SLC24A2: variants seen among roughly 807,000 people sequenced by gnomAD.
The protein encoded by SLC24A2 is sodium/potassium/calcium exchanger 2.
In SLC24A2, 36 loss-of-function variants were observed where a neutral mutation model predicts 62.0. The observed-to-expected ratio is 0.58, with a 90% CI of 0.44 to 0.77. The LOEUF (loss-of-function observed/expected upper bound fraction) is 0.77, where lower values mean the gene tolerates loss of function less well. SLC24A2 is among the 30% of genes least tolerant of loss of function. The probability of loss-of-function intolerance (pLI) is 0.00; values close to 1 mark genes in which losing one functional copy is unlikely to be tolerated. For synonymous variants in SLC24A2, 358 were observed against 294.0 expected (o/e 1.22, Z -2.23); for missense variants, 846 against 817.9 (o/e 1.03, Z -0.42).
intron 9 of SLC24A2, among the ~76,000 whole-genome samples, chr9:19,521,671 T>C (rs1304780160): frequency 6.6e-6 from 1 of 152,132 alleles, no homozygotes; most frequent in Admixed American, 6.5e-5. Context: ...CTCTGGTATG[T>C]GTTAATTTCT....
the SLC24A2 span, among the ~76,000 whole-genome samples, chr9:20,125,378 T>A: frequency 1.3e-5 from 2 of 152,202 alleles, no homozygotes; most frequent in Non-Finnish European, 2.9e-5. Flanking sequence ...AATTTGAACC[T>A]TTATCTGCTC....
chr9:20,070,974 A>C, the SLC24A2 span, among the ~76,000 whole-genome samples: 2 of 152,126 alleles, frequency 1.3e-5, no homozygotes, highest in African/African-American at 4.8e-5. Context: ...TTATAGTTTA[A>C]CACCATCCTC....
the SLC24A2 span, among the ~76,000 whole-genome samples, chr9:19,937,720 G>A: frequency 3.9e-5 from 6 of 152,150 alleles, no homozygotes; most frequent in East Asian, 5.8e-4. Flanking sequence ...CTATGCAAAC[G>A]AAGTGCTATT....
upstream of SLC24A2, among the ~76,000 whole-genome samples, chr9:19,793,822 T>G (rs552966025): frequency 6.6e-6 from 1 of 152,346 alleles, no homozygotes; most frequent in South Asian, 2.1e-4. Flanking sequence ...AACCTATAGA[T>G]TTCTTCTACC....
chr9:19,662,106 GA>G (rs776123198), intron 2 of SLC24A2, among the ~76,000 whole-genome samples: 42 of 152,080 alleles, frequency 2.8e-4, no homozygotes, highest in Non-Finnish European at 4.9e-4. Flanking sequence ...AATAAAATGT[GA>G]ACTGCACATG....
the SLC24A2 span, among the ~76,000 whole-genome samples, chr9:20,302,996 A>G: frequency 6.6e-6 from 1 of 152,216 alleles, no homozygotes; most frequent in Non-Finnish European, 1.5e-5. Context: ...TTGTTAGAGT[A>G]TCTGATATAT....
chr9:20,068,609 T>C, the SLC24A2 span, among the ~76,000 whole-genome samples: 3 of 152,184 alleles, frequency 2.0e-5, no homozygotes, highest in Non-Finnish European at 2.9e-5. Flanking sequence ...GGGATGCTTA[T>C]ATTGCCATAA....
intron 2 of SLC24A2, among the ~76,000 whole-genome samples, chr9:19,680,948 G>A (rs2118391268): frequency 6.6e-6 from 1 of 151,976 alleles, no homozygotes; most frequent in South Asian, 2.1e-4. Context: ...TGCCCGATAA[G>A]TGCAATAGCC....
intron 4 of SLC24A2, among the ~76,000 whole-genome samples, chr9:19,604,564 C>A (rs778992504): frequency 6.6e-6 from 1 of 152,112 alleles, no homozygotes; most frequent in African/African-American, 2.4e-5. Context: ...AGTTTCTACC[C>A]TCTGGTGCAT....
At chr9:19,769,814 T>A (rs550401271) in intron 2 of SLC24A2, among the ~76,000 whole-genome samples, 1 of 152,170 alleles carries the variant, frequency 6.6e-6, no homozygotes, top group African/African-American at 2.4e-5. Flanking sequence ...TTGCACAAAA[T>A]GCCTTTTGCT....
chr9:19,628,066 A>G (rs1818080318), intron 2 of SLC24A2, among the ~76,000 whole-genome samples: 1 of 151,986 alleles, frequency 6.6e-6, no homozygotes, highest in Non-Finnish European at 1.5e-5. Flanking sequence ...CTTTTACCCA[A>G]CTCCTTCAGT....
At chr9:20,076,257 C>T in the SLC24A2 span, among the ~76,000 whole-genome samples, 1 of 152,086 alleles carries the variant, frequency 6.6e-6, no homozygotes, top group African/African-American at 2.4e-5. Flanking sequence ...CATTAGAAAT[C>T]ATTTTTAGTT....
At chr9:20,268,504 A>T in the SLC24A2 span, among the ~76,000 whole-genome samples, 1 of 152,166 alleles carries the variant, frequency 6.6e-6, no homozygotes. Flanking sequence ...GTTTATAAGA[A>T]GAGGAAGAGA....
chr9:20,180,672 G>A, the SLC24A2 span, among the ~76,000 whole-genome samples: 4 of 152,096 alleles, frequency 2.6e-5, no homozygotes, highest in Non-Finnish European at 5.9e-5. Context: ...AAAGACTTGG[G>A]CATAAGTTTT....
At chr9:20,100,288 C>T in the SLC24A2 span, among the ~76,000 whole-genome samples, 4,642 of 152,076 alleles carry the variant, frequency 0.031, 207 homozygotes, top group Admixed American at 0.13. Flanking sequence ...CTTGGACTTC[C>T]AGGCTCAAGC....
At chr9:19,772,955 C>G (rs1822734147) in intron 2 of SLC24A2, among the ~76,000 whole-genome samples, 1 of 152,166 alleles carries the variant, frequency 6.6e-6, no homozygotes, top group Non-Finnish European at 1.5e-5. Context: ...CATTCACCAA[C>G]TGATGAAATG....
chr9:19,573,842 A>G (rs1563976208), intron 6 of SLC24A2, among the ~76,000 whole-genome samples: 1 of 152,198 alleles, frequency 6.6e-6, no homozygotes, highest in Non-Finnish European at 1.5e-5. Context: ...CTAGCTACTC[A>G]GGAAACATGA....
rs199744137 is a variant in SLC24A2, at chr9:19,619,685, G to C, written c.977C>G (p.Pro326Arg). 1.2e-6 allele frequency: 2 copies of C among 1,613,220 alleles called. No individual in the cohort carries two copies. The highest frequency in any genetic ancestry group is 3.3e-5 in the Admixed American group (2 of 60,014). ...AGAGCTTCCACCTCGCTGGAGACGCGGCTTAGCCTGAGCAGAGAAACCAAA... is the reference window on the plus strand; with the variant it reads ...AGAGCTTCCACCTCGCTGGAGACGCCGCTTAGCCTGAGCAGAGAAACCAAA... Reference protein sequence around the residue: ...DKDEPTLPAKPRLQRGGSSAS... With the variant: ...DKDEPTLPAKRRLQRGGSSAS... The change falls in exon 4 of 11, where the codon CCG becomes CGG. Residue 326 changes from proline to arginine, a missense_variant. Transcript: ENST00000341998.
intron 2 of SLC24A2, among the ~76,000 whole-genome samples, chr9:19,700,955 T>C (rs1820338485): frequency 6.6e-6 from 1 of 152,208 alleles, no homozygotes; most frequent in Non-Finnish European, 1.5e-5. Flanking sequence ...TGGAACTTTG[T>C]ACACAAATAG....
Sources: gnomAD v4.1 joint callset for allele counts (sites outside exome capture counted in the v4.1 genomes callset) on GRCh38, gnomAD v4.1.1 for gene constraint, MANE v1.5 for transcripts, NCBI Gene and HGNC (gene_info 2026-07-23, HGNC 2026-07-21) for gene names.